Variants in ARCN1 observed in about 807,000 individuals in gnomAD.
The protein encoded by ARCN1 is archain 1 coat protein complex I subunit delta.
A neutral mutation model predicts 60.4 loss-of-function variants in ARCN1; 5 were observed. The ratio of observed to expected loss-of-function variants is 0.08; its 90% CI spans 0.04 to 0.17. The LOEUF is 0.17. Among genes scored for constraint, ARCN1 ranks in the 10% least tolerant of loss-of-function variants. The probability of loss-of-function intolerance (pLI) is 1.00; values close to 1 mark genes in which losing one functional copy is unlikely to be tolerated. For missense variants in ARCN1, 464 were observed against 626.5 expected (o/e 0.74, Z 2.77); for synonymous variants, 224 against 220.0 (o/e 1.02, Z -0.16).
At chr11:118,593,839 C>G in intron 8 of ARCN1, 141 bp downstream of exon 8, 1 of 538,970 alleles carries the variant, frequency 1.9e-6, no homozygotes, top group East Asian at 3.0e-5. Flanking sequence ...AAGCCAGATA[C>G]AAAAGGCTGC....
At chr11:118,590,127 C>G (rs2135548993) in intron 5 of ARCN1, among the ~76,000 whole-genome samples, 1 of 152,322 alleles carries the variant, frequency 6.6e-6, no homozygotes, top group South Asian at 2.1e-4. Context: ...TCCCAAGTAG[C>G]TGGGACTACA....
chr11:118,587,373 C>T (rs967828818), intron 5 of ARCN1, among the ~76,000 whole-genome samples: 6 of 152,138 alleles, frequency 3.9e-5, no homozygotes, highest in Non-Finnish European at 5.9e-5. Flanking sequence ...AACATGTATA[C>T]AGTGTGTCTA....
chr11:118,572,471 G>A lies in ARCN1; in HGVS notation c.-77G>A, dbSNP rs1379227583. The A allele has an allele frequency of 4.6e-6, 7 of 1,536,336 alleles. No individual in the cohort carries two copies. The highest frequency in any genetic ancestry group is 5.3e-6 in the Non-Finnish European group (6 of 1,123,444). ...AGGGGGCAGCAGGTCCAGAGCTGCTGGTGCTCCCGTTCCCCAGACCCTACC... is the reference window on the plus strand; with the variant it reads ...AGGGGGCAGCAGGTCCAGAGCTGCTAGTGCTCCCGTTCCCCAGACCCTACC... On this transcript the variant is annotated 5_prime_UTR_variant, in exon 1 of 10. Transcript: ENST00000264028.
Position 118,590,499 on chromosome 11 carries a change from A to G in ARCN1, c.977A>G (p.Gln326Arg). 6.2e-7 allele frequency: 1 copy of G among 1,614,180 alleles called. No individual in the cohort carries two copies. The highest frequency in any genetic ancestry group is 8.5e-7 in the Non-Finnish European group (1 of 1,179,986). The stretch of plus-strand genomic sequence containing the variant: ...GAAAATGAAGATAAGAAAGGGGTGC[A>G]GCTACAGGTGTGTAGAAGCTTTTGA... ...HVENEDKKGV[Q>R]LQTHPNVDKK... Residue 326 changes from glutamine (Q) to arginine (R), a missense_variant, in exon 6 of 10, where the codon CAG becomes CGG. Gln to Arg is a conservative substitution (Grantham distance 43). Coordinates refer to ENST00000264028, the MANE Select transcript of ARCN1 (RefSeq NM_001655.5).
At position 118,572,439 on chromosome 11, in the gene ARCN1, C is replaced by A. The variant is rs942660367; in HGVS notation, c.-109C>A. 1 of 1,126,648 alleles carries A rather than the reference C, an allele frequency of 8.9e-7. No homozygotes were observed. Among genetic ancestry groups the A allele is most frequent in the Admixed American group, 2.7e-5 (1 of 36,994 alleles). The allele number at this position is 1,126,648 out of a possible 1,614,324, so 69.8% of individuals were successfully genotyped here. A position where few individuals can be genotyped will look rare whatever the true frequency, so the allele number is the denominator to read the frequency against. ...GGCAAGAGGCGAAGCGGCAGCGGTT[C>A]CTGTCAAGGGGGCAGCAGGTCCAGA... On this transcript the variant is annotated 5_prime_UTR_variant, in exon 1 of 10. Coordinates refer to ENST00000264028, the MANE Select transcript of ARCN1 (RefSeq NM_001655.5).
At chr11:118,589,050 A>AT (rs1306564937) in intron 5 of ARCN1, among the ~76,000 whole-genome samples, 1 of 152,202 alleles carries the variant, frequency 6.6e-6, no homozygotes, top group Admixed American at 6.5e-5. Flanking sequence ...TAAAAAAACT[A>AT]TCAGTGTAAA....
rs1196097135 is a variant in ARCN1, at chr11:118,601,378, C to T, written c.*664C>T. 3.8e-6 allele frequency: 2 copies of T among 531,882 alleles called. No individual in the cohort carries two copies. Among genetic ancestry groups the T allele is most frequent in the Non-Finnish European group, 7.0e-6 (2 of 287,304 alleles). The allele number at this position is 531,882 out of a possible 1,614,324, so 32.9% of individuals were successfully genotyped here. A position where few individuals can be genotyped will look rare whatever the true frequency, so the allele number is the denominator to read the frequency against. On this transcript the variant is annotated 3_prime_UTR_variant, in exon 10 of 10. Transcript: ENST00000264028. ...TGCCCAGCTGCTCCTTTATTTTAAT[C>T]CCTAAATATAATCCCTAAATATAGT...
intron 1 of ARCN1, among the ~76,000 whole-genome samples, chr11:118,575,385 G>T (rs1364812577): frequency 2.0e-5 from 3 of 151,400 alleles, no homozygotes; most frequent in African/African-American, 4.9e-5. Flanking sequence ...TCTTCATATA[G>T]AAGTTCACTG....
intron 1 of ARCN1, among the ~76,000 whole-genome samples, chr11:118,574,869 C>G (rs538630444): frequency 6.6e-6 from 1 of 152,274 alleles, no homozygotes; most frequent in East Asian, 1.9e-4. Context: ...TAGCCTCAAG[C>G]AATCCTCCCG....
At chr11:118,587,228 C>A (rs2135546407) in intron 5 of ARCN1, among the ~76,000 whole-genome samples, 1 of 152,254 alleles carries the variant, frequency 6.6e-6, no homozygotes, top group South Asian at 2.1e-4. Flanking sequence ...GTACAAAATT[C>A]AAAAGTTGTT....
intron 5 of ARCN1, among the ~76,000 whole-genome samples, chr11:118,587,164 C>A (rs1478545345): frequency 6.6e-6 from 1 of 152,138 alleles, no homozygotes; most frequent in African/African-American, 2.4e-5. Context: ...TTAATACTTG[C>A]CTCTAGCAGC....
chr11:118,601,845 A>T lies in ARCN1; in HGVS notation c.*1131A>T. On this transcript the variant is annotated 3_prime_UTR_variant, in exon 10 of 10. Coordinates refer to ENST00000264028, the MANE Select transcript of ARCN1 (RefSeq NM_001655.5). ...AATGGTTATGTCTGTCCAGTTAGGG[A>T]TTTCACATCCACATGTAATCATGTC... is the stretch of plus-strand genomic sequence containing the variant. 1.6e-6 allele frequency: 1 copy of T among 625,014 alleles called. No individual in the cohort carries two copies. Among genetic ancestry groups the T allele is most frequent in the Non-Finnish European group, 2.9e-6 (1 of 346,262 alleles). 38.7% of individuals were successfully genotyped at this position (625,014 alleles called of 1,614,324 possible). A position where few individuals can be genotyped will look rare whatever the true frequency, so the allele number is the denominator to read the frequency against.
chr11:118,578,888 T>C lies in ARCN1; in HGVS notation c.4-2358T>C, dbSNP rs1026550561. On this transcript the variant is annotated intron_variant, in intron 1 of 9. Transcript: ENST00000264028. ...ACCCCGTCTCTCTTTTTTTTTTTTT[T>C]TTTTTTTTTTTTTTTTTTAATAAAA... is the stretch of plus-strand genomic sequence containing the variant. 1.4e-3 allele frequency among the ~76,000 whole-genome samples: 197 copies of C among 139,286 alleles called. 5 individuals carry two copies. The East Asian group carries it at 0.034, about 24-fold the overall frequency. 91.4% of individuals were successfully genotyped at this position (139,286 alleles called of 152,430 possible).
chr11:118,584,916 C>T (rs1192150713), intron 5 of ARCN1, among the ~76,000 whole-genome samples: 3 of 151,348 alleles, frequency 2.0e-5, no homozygotes, highest in African/African-American at 4.9e-5. Context: ...AGCTCTCCCT[C>T]CCAGGTTCAC....
Position 118,591,931 on chromosome 11 carries a change from A to T in ARCN1, c.985-778A>T, listed in dbSNP as rs559711819. Among the ~76,000 whole-genome samples, 988 of 150,222 alleles carry T rather than the reference A, an allele frequency of 6.6e-3. 11 individuals are homozygous for T. The highest frequency in any genetic ancestry group is 0.022 in the African/African-American group (886 of 40,634). On this transcript the variant is annotated intron_variant, in intron 6 of 9. Transcript: ENST00000264028. ...TTATTTATTTATTTATTTATTTTTT[A>T]TTTTTTGAGACGGAGTTTCACTCTT...
intron 2 of ARCN1, among the ~76,000 whole-genome samples, chr11:118,581,945 C>G (rs907859180): frequency 6.7e-6 from 1 of 149,854 alleles, no homozygotes; most frequent in African/African-American, 2.5e-5. Flanking sequence ...CAGACACACA[C>G]ACACACACAC....
Position 118,597,757 on chromosome 11 carries a change from A to G in ARCN1, c.1292A>G (p.His431Arg), listed in dbSNP as rs199564099. The change falls in exon 9 of 10, where the codon CAT becomes CGT. Residue 431 changes from histidine (H) to arginine (R), a missense_variant. Physicochemically the swap from His to Arg is conservative, Grantham distance 29. This residue lies in a region of ARCN1 where 359 missense variants were observed against 440.2 expected (regional missense o/e 0.82). Transcript: ENST00000264028. ...VIGEIDGEYR[H>R]DSRRNTLEWC... ...GGTGAGATCGATGGGGAGTATCGAC[A>G]TGACAGTCGACGAAATACCCTGGAG... 4.1e-5 allele frequency: 66 copies of G among 1,614,100 alleles called. No individual in the cohort carries two copies. The highest frequency in any genetic ancestry group is 5.2e-5 in the Non-Finnish European group (61 of 1,180,050).
At chr11:118,581,873 CAA>C (rs1938656931) in intron 2 of ARCN1, among the ~76,000 whole-genome samples, 1 of 151,134 alleles carries the variant, frequency 6.6e-6, no homozygotes, top group South Asian at 2.1e-4. Flanking sequence ...GACTTTATGC[CAA>C]AGTCTTGCTT....
intron 1 of ARCN1, chr11:118,573,546 T>C: frequency 3.6e-6 from 2 of 549,658 alleles, no homozygotes; most frequent in Non-Finnish European, 3.3e-6. Context: ...GTAATTTATT[T>C]TTCAGTGCAC....
Sources: gnomAD v4.1 joint callset for allele counts (sites outside exome capture counted in the v4.1 genomes callset) on GRCh38, gnomAD v4.1.1 for gene constraint, gnomAD v4.1.1 regional missense constraint, MANE v1.5 for transcripts, NCBI Gene and HGNC (gene_info 2026-07-23, HGNC 2026-07-21) for gene names.